The following NFRKB variants were observed in gnomAD, a reference collection of about 807,000 sequenced individuals.
NFRKB encodes nuclear factor related to kappa-B-binding protein.
In NFRKB, 62 loss-of-function variants were observed where a neutral mutation model predicts 135.7. That is an observed-to-expected ratio of 0.46 (90% CI 0.37 to 0.56). The LOEUF (loss-of-function observed/expected upper bound fraction) is 0.56, where lower values mean the gene tolerates loss of function less well. Ranked by LOEUF, NFRKB falls within the 20% of genes least tolerant of loss-of-function variation. The pLI is 0.00. For synonymous variants in NFRKB, 678 were observed against 635.6 expected (o/e 1.07, Z -1.00); for missense variants, 1,545 against 1,662.0 (o/e 0.93, Z 1.22).
At position 129,869,713 on chromosome 11, in the gene NFRKB, G is replaced by A. The variant is rs374279113; in HGVS notation, c.3312C>T (p.Thr1104=). ...GCTTGGCGTGGGTTGCAACGGTGATGGTCTGGCCTGCTTTGGGAGGCATCA... is the reference window on the plus strand; with the variant it reads ...GCTTGGCGTGGGTTGCAACGGTGATAGTCTGGCCTGCTTTGGGAGGCATCA... ...LGVMPPKAGQ[T]ITVATHAKQG... is the part of the protein sequence containing the mutation. The change falls in exon 24 of 27, where the codon ACC becomes ACT. Residue 1104 remains threonine, a synonymous_variant. Coordinates refer to ENST00000682444, the MANE Select transcript of NFRKB (RefSeq NM_001143835.2). 7.4e-6 allele frequency: 12 copies of A among 1,614,254 alleles called. No homozygotes were observed. The highest frequency in any genetic ancestry group is 1.0e-5 in the Non-Finnish European group (12 of 1,180,044).
At chr11:129,879,815 C>T (rs1032118576) in intron 13 of NFRKB, among the ~76,000 whole-genome samples, 3 of 152,242 alleles carry the variant, frequency 2.0e-5, no homozygotes, top group Non-Finnish European at 4.4e-5. Context: ...CCCCCTTAAA[C>T]TCTCTGGTCT....
intron 4 of NFRKB, among the ~76,000 whole-genome samples, chr11:129,887,499 C>T (rs958449401): frequency 1.3e-5 from 2 of 152,116 alleles, no homozygotes; most frequent in Admixed American, 6.5e-5. Context: ...ATATTCCTGC[C>T]GAAAGCCTTT....
Position 129,886,298 on chromosome 11 carries a change from A to G in NFRKB, c.465+19T>C. 6.2e-7 allele frequency: 1 copy of G among 1,608,662 alleles called. No individual in the cohort carries two copies. The highest frequency in any genetic ancestry group is 8.5e-7 in the Non-Finnish European group (1 of 1,176,586). Reference sequence around the variant, plus strand: ...CTGTGACTGCCCACATTTTATATCCAGTTCCCAGCACTACTTACACTCCGG... The same window carrying G: ...CTGTGACTGCCCACATTTTATATCCGGTTCCCAGCACTACTTACACTCCGG... On this transcript the variant is annotated intron_variant, in intron 5 of 26. Transcript: ENST00000682444.
chr11:129,880,380 T>G (rs972368617), intron 13 of NFRKB, among the ~76,000 whole-genome samples: 1 of 152,002 alleles, frequency 6.6e-6, no homozygotes, highest in African/African-American at 2.4e-5. Context: ...CCCACCTAAG[T>G]CTTTCTCAAA....
chr11:129,878,035 G>T (rs893748099), intron 15 of NFRKB, among the ~76,000 whole-genome samples: 1 of 152,136 alleles, frequency 6.6e-6, no homozygotes, highest in Non-Finnish European at 1.5e-5. Context: ...TAGGAGCCCA[G>T]GGAGGAGTAC....
chr11:129,876,727 A>T lies in NFRKB; in HGVS notation c.1741T>A (p.Ser581Thr), dbSNP rs576773145. The T allele has an allele frequency of 1.2e-6, 2 of 1,612,754 alleles. No homozygotes were observed. The highest frequency in any genetic ancestry group is 4.5e-5 in the East Asian group (2 of 44,850). The stretch of plus-strand genomic sequence containing the variant: ...ATCGACACGTGCCACCTACCAAGAG[A>T]CAGAATGGTGACGTAGGCAGGCCGG... ...SDRPAYVTIL[S>T]LVRDAAARLP... Residue 581 changes from serine (S) to threonine (T), a missense_variant, in exon 17 of 27, where the codon TCT (serine) becomes ACT (threonine). Around this residue, in one of 3 missense-constraint regions of NFRKB, gnomAD observed 114 missense variants for 211.0 expected, o/e 0.54. Transcript: ENST00000682444.
chr11:129,881,461 G>A lies in NFRKB; in HGVS notation c.1366C>T (p.Gln456Ter). The change falls in exon 13 of 27, where the codon CAG becomes TAG. Residue 456 changes from glutamine (Q) to a stop codon, truncating the protein, a stop_gained. Coordinates refer to ENST00000682444, the MANE Select transcript of NFRKB (RefSeq NM_001143835.2). LOFTEE classifies it high-confidence loss of function. Reference protein sequence around the residue: ...SPFVEFKEKTQQWKLLGQSQD... With the variant: ...SPFVEFKEKT ...CACTTACCAAGCAACTTCCACTGCT[G>A]GGTTTTCTCTTTGAATTCAACAAAT... 1 of 1,614,118 alleles carries A rather than the reference G, an allele frequency of 6.2e-7. No homozygotes were observed. The highest frequency in any genetic ancestry group is 8.5e-7 in the Non-Finnish European group (1 of 1,180,006).
chr11:129,894,934 T>C (rs538469225), intron 1 of NFRKB, among the ~76,000 whole-genome samples: 1 of 152,366 alleles, frequency 6.6e-6, no homozygotes, highest in Non-Finnish European at 1.5e-5. Flanking sequence ...GTTTCTTCAG[T>C]GACGGTGCGT....
chr11:129,888,242 C>T (rs527584663), intron 4 of NFRKB: 3 of 573,976 alleles, frequency 5.2e-6, no homozygotes, highest in Non-Finnish European at 6.2e-6. Context: ...ACACACGAAC[C>T]TTGATACGTG....
intron 25 of NFRKB, 33 bp downstream of exon 25, chr11:129,865,844 G>T: frequency 1.2e-6 from 2 of 1,603,652 alleles, no homozygotes; most frequent in East Asian, 2.2e-5. Context: ...CTCCACCCCC[G>T]AATTGGTTCC....
Position 129,869,726 on chromosome 11 carries a change from T to C in NFRKB, c.3299A>G (p.Lys1100Arg), listed in dbSNP as rs749762610. Residue 1100 changes from lysine (K) to arginine (R), a missense_variant, in exon 24 of 27, where the codon AAA (lysine) becomes AGA (arginine). Lys to Arg is a conservative substitution (Grantham distance 26). Around this residue, in one of 3 missense-constraint regions of NFRKB, gnomAD observed 753 missense variants for 804.3 expected, o/e 0.94. Coordinates refer to ENST00000682444, the MANE Select transcript of NFRKB (RefSeq NM_001143835.2). The stretch of plus-strand genomic sequence containing the variant: ...TGCAACGGTGATGGTCTGGCCTGCT[T>C]TGGGAGGCATCACTCCCAGTCCCTG... ...IVQGLGVMPPKAGQTITVATH... is the reference protein window; with the variant it reads ...IVQGLGVMPPRAGQTITVATH... The C allele has an allele frequency of 1.2e-6, 2 of 1,614,190 alleles. No individual in the cohort carries two copies. The highest frequency in any genetic ancestry group is 3.3e-5 in the Admixed American group (2 of 60,030).
chr11:129,882,421 A>G, intron 10 of NFRKB, 30 bp downstream of exon 10: 1 of 1,607,392 alleles, frequency 6.2e-7, no homozygotes, highest in South Asian at 1.1e-5. Flanking sequence ...ATTCACCCTG[A>G]GAATTACAGA....
intron 26 of NFRKB, 44 bp downstream of exon 26, chr11:129,864,922 C>G: frequency 6.2e-7 from 1 of 1,612,402 alleles, no homozygotes; most frequent in Non-Finnish European, 8.5e-7. Context: ...GCAGTGGAAT[C>G]AGAGAGGAGC....
chr11:129,878,413 G>A (rs753899605), intron 14 of NFRKB, 51 bp downstream of exon 14: 1 of 1,613,018 alleles, frequency 6.2e-7, no homozygotes, highest in South Asian at 1.1e-5. Context: ...GCAAACTTAA[G>A]AGCTCTGGAA....
Position 129,878,547 on chromosome 11 carries a change from T to G in NFRKB, c.1385-4A>C. On this transcript the variant is annotated splice_region_variant and splice_polypyrimidine_tract_variant and intron_variant, in intron 13 of 26. Coordinates refer to ENST00000682444, the MANE Select transcript of NFRKB (RefSeq NM_001143835.2). ...TTTTCATTATCTTGGGATTGGCCTA[T>G]TAGAGGAATAAAGAGATAAAAAAAT... 6.2e-7 allele frequency: 1 copy of G among 1,611,962 alleles called. No individual in the cohort carries two copies. The highest frequency in any genetic ancestry group is 8.5e-7 in the Non-Finnish European group (1 of 1,178,198).
Position 129,872,919 on chromosome 11 carries a change from T to A in NFRKB, c.2728A>T (p.Ile910Phe), listed in dbSNP as rs1161995872. The change falls in exon 23 of 27, where the codon ATT (isoleucine) becomes TTT (phenylalanine). Residue 910 changes from isoleucine to phenylalanine, a missense_variant. Ile to Phe is a conservative substitution (Grantham distance 21). Transcript: ENST00000682444. ...SAPSASTAAV[I>F]QNVTGQNIIK... ...ATGTTCTGTCCTGTGACATTTTGAA[T>A]GACGGCAGCCGTGGAGGCACTGGGA... is the stretch of plus-strand genomic sequence containing the variant. 1.9e-6 allele frequency: 3 copies of A among 1,613,060 alleles called. No homozygotes were observed. The highest frequency in any genetic ancestry group is 1.7e-6 in the Non-Finnish European group (2 of 1,179,174).
chr11:129,869,452 T>A (rs1022672090), intron 24 of NFRKB, 42 bp downstream of exon 24: 1 of 1,531,046 alleles, frequency 6.5e-7, no homozygotes, highest in Non-Finnish European at 8.7e-7. Flanking sequence ...TTGATTAAGT[T>A]TTCTAAAAAA....
In NFRKB at chr11:129,865,945, C is replaced by T. The variant is rs777689481; in HGVS notation, c.3570G>A (p.Val1190=). The part of the protein sequence containing the change: ...LPTRITVPLS[V]ISQPMKGKSV... ...TCTTGCCCTTCATTGGCTGGCTGAT[C>T]ACAGAGAGGGGAACTGTGATCCGTG... Residue 1190 remains valine, a synonymous_variant, in exon 25 of 27, where the codon GTG becomes GTA. Transcript: ENST00000682444. 6.8e-6 allele frequency: 11 copies of T among 1,613,380 alleles called. No homozygotes were observed. In the Admixed American group the frequency reaches 1.8e-4, roughly 27 times the overall value.
At position 129,874,091 on chromosome 11, in the gene NFRKB, C is replaced by T; in HGVS notation, c.2279+22G>A. On this transcript the variant is annotated intron_variant, in intron 21 of 26. Transcript: ENST00000682444. The surrounding 1 kb of genome is among the most constrained non-coding windows in gnomAD (Gnocchi z 4.5). ...ACAAAAGAACTCTAGAACGAAAAAG[C>T]TGAAGAAAAGGAGGAACTTACCCCG... 6.4e-7 allele frequency: 1 copy of T among 1,568,768 alleles called. No individual in the cohort carries two copies. The highest frequency in any genetic ancestry group is 8.6e-7 in the Non-Finnish European group (1 of 1,156,540).
Sources: allele counts gnomAD v4.1 joint callset (sites outside exome capture counted in the v4.1 genomes callset), GRCh38; gene constraint gnomAD v4.1.1; regional missense constraint gnomAD v4.1.1; non-coding constraint Gnocchi (gnomAD v3.1); transcripts MANE v1.5; gene names NCBI Gene and HGNC (gene_info 2026-07-23, HGNC 2026-07-21).